DLGAP4: variants seen among roughly 807,000 people sequenced by gnomAD.
DLGAP4 encodes disks large-associated protein 4.
In DLGAP4, 18 loss-of-function variants were observed where a neutral mutation model predicts 86.9. The ratio of observed to expected loss-of-function variants is 0.21; its 90% confidence interval spans 0.14 to 0.31. The LOEUF (loss-of-function observed/expected upper bound fraction) is 0.31. DLGAP4 is among the 10% of genes least tolerant of loss of function. The probability of loss-of-function intolerance (pLI) is 1.00; values close to 1 mark genes in which losing one functional copy is unlikely to be tolerated. For missense variants in DLGAP4, 1,085 were observed against 1,362.6 expected (o/e 0.80, Z 3.21); for synonymous variants, 548 against 574.3 (o/e 0.95, Z 0.65).
intron 10 of DLGAP4, among the ~76,000 whole-genome samples, chr20:36,518,584 TGAC>T (rs2037181910): frequency 1.3e-5 from 2 of 152,316 alleles, no homozygotes; most frequent in East Asian, 3.9e-4. Flanking sequence ...GTGATTTCTT[TGAC>T]GACTGGGTTA....
intron 1 of DLGAP4, among the ~76,000 whole-genome samples, chr20:36,340,260 C>T (rs1255932648): frequency 4.6e-5 from 7 of 152,004 alleles, no homozygotes; most frequent in South Asian, 2.1e-4. Context: ...CTCCGTTTCT[C>T]GGGAACTTCT....
chr20:36,508,068 T>C (rs2036479962), intron 10 of DLGAP4: 1 of 152,186 alleles, frequency 6.6e-6, no homozygotes, highest in African/African-American at 2.4e-5. Context: ...GGAAGTCACG[T>C]AGTAACTCTT....
chr20:36,454,355 G>C (rs1399870000), intron 7 of DLGAP4, among the ~76,000 whole-genome samples: 1 of 151,856 alleles, frequency 6.6e-6, no homozygotes, highest in Non-Finnish European at 1.5e-5. Context: ...TTAGAATAAG[G>C]TCCTTTACTT....
At chr20:36,347,335 T>G (rs1394379988) in intron 1 of DLGAP4, among the ~76,000 whole-genome samples, 1 of 152,034 alleles carries the variant, frequency 6.6e-6, no homozygotes, top group Non-Finnish European at 1.5e-5. Flanking sequence ...AAAGATGGAT[T>G]CTTTAGTGTG....
intron 7 of DLGAP4, chr20:36,461,517 G>A: frequency 1.0e-6 from 1 of 983,398 alleles, no homozygotes; most frequent in Non-Finnish European, 1.2e-6. Context: ...GAGGGTGAGT[G>A]CCCGCCGCTG....
chr20:36,392,851 C>T (rs564681123), intron 2 of DLGAP4, among the ~76,000 whole-genome samples: 1 of 152,182 alleles, frequency 6.6e-6, no homozygotes, highest in Non-Finnish European at 1.5e-5. Context: ...AGATGCTGTG[C>T]TCCTGGGTGA....
At chr20:36,482,893 A>G (rs531528408) in intron 7 of DLGAP4, among the ~76,000 whole-genome samples, 9 of 151,796 alleles carry the variant, frequency 5.9e-5, no homozygotes, top group Non-Finnish European at 1.3e-4. Flanking sequence ...GCTGGTCTCA[A>G]ACTCCTGACC....
chr20:36,435,942 C>T (rs2033262203), intron 3 of DLGAP4, among the ~76,000 whole-genome samples, 167 bp from the exon 4 acceptor site: 1 of 152,222 alleles, frequency 6.6e-6, no homozygotes, highest in Admixed American at 6.5e-5. Context: ...GTATTCCTCC[C>T]AGCCCAGGGC....
intron 1 of DLGAP4, among the ~76,000 whole-genome samples, chr20:36,309,033 G>A (rs771439564): frequency 6.6e-6 from 1 of 151,516 alleles, no homozygotes; most frequent in Non-Finnish European, 1.5e-5. Context: ...CCCCCTGGCG[G>A]GCCTTCAGTT....
At chr20:36,435,891 T>A (rs749859614) in intron 3 of DLGAP4, among the ~76,000 whole-genome samples, 1 of 152,024 alleles carries the variant, frequency 6.6e-6, no homozygotes, top group Non-Finnish European at 1.5e-5. Context: ...CAGCCTGGGA[T>A]CCATGGAGAA....
chr20:36,426,331 A>G (rs1041251203), intron 2 of DLGAP4, among the ~76,000 whole-genome samples: 1 of 152,172 alleles, frequency 6.6e-6, no homozygotes, highest in Non-Finnish European at 1.5e-5. Flanking sequence ...CCTGGCCAAC[A>G]TGGTGAAACC....
chr20:36,501,064 CT>C lies in DLGAP4; in HGVS notation c.2512+471del, dbSNP rs11480703. 5.9e-3 allele frequency among the ~76,000 whole-genome samples: 812 copies of C among 138,062 alleles called. 2 individuals are homozygous for C. Among genetic ancestry groups the C allele is most frequent in the Non-Finnish European group, 6.5e-3 (418 of 64,244 alleles). 90.6% of individuals were successfully genotyped at this position (138,062 alleles called of 152,430 possible). A position where few individuals can be genotyped will look rare whatever the true frequency, so the allele number is the denominator to read the frequency against. On this transcript the variant is annotated intron_variant, in intron 10 of 12. Transcript: ENST00000339266. The stretch of plus-strand genomic sequence containing the variant: ...GGGAGCCTAATTATGCCTTCAACAA[CT>C]TTTTTTTTTTTTTTTTTGAGACGGA...
At chr20:36,394,692 G>C (rs761184265) in intron 2 of DLGAP4, among the ~76,000 whole-genome samples, 1 of 97,386 alleles carries the variant, frequency 1.0e-5, no homozygotes, top group Non-Finnish European at 2.0e-5. Context: ...CACCCTTTCC[G>C]GTCCCTCTCC....
chr20:36,447,003 A>C (rs1190357770), intron 7 of DLGAP4, 66 bp downstream of exon 7: 6 of 1,533,080 alleles, frequency 3.9e-6, no homozygotes, highest in Non-Finnish European at 5.3e-6. Context: ...CCATACCTGG[A>C]GGGCCAGCCT....
intron 5 of DLGAP4, among the ~76,000 whole-genome samples, chr20:36,442,339 C>A (rs1472947517): frequency 6.6e-6 from 1 of 152,200 alleles, no homozygotes; most frequent in Non-Finnish European, 1.5e-5. Flanking sequence ...GGATTATAGG[C>A]ATGTGCCACC....
chr20:36,341,812 T>C (rs1555892530), intron 1 of DLGAP4, among the ~76,000 whole-genome samples: 1 of 152,164 alleles, frequency 6.6e-6, no homozygotes, highest in African/African-American at 2.4e-5. Context: ...GGGCCTGTCG[T>C]CCCAGCTTCC....
intron 2 of DLGAP4, among the ~76,000 whole-genome samples, chr20:36,423,254 G>A (rs1220458504): frequency 6.6e-6 from 1 of 151,920 alleles, no homozygotes; most frequent in Non-Finnish European, 1.5e-5. Context: ...TTGAGCTCAG[G>A]AGTTCGAGAC....
At chr20:36,499,725 C>A (rs1317156879) in intron 9 of DLGAP4, 49 bp downstream of exon 9, 1 of 1,493,512 alleles carries the variant, frequency 6.7e-7, no homozygotes, top group East Asian at 2.3e-5. Context: ...CTCTCCCTCC[C>A]TCCGCTCTCA....
At chr20:36,476,965 T>C (rs1348136948) in intron 7 of DLGAP4, among the ~76,000 whole-genome samples, 1 of 151,966 alleles carries the variant, frequency 6.6e-6, no homozygotes, top group Non-Finnish European at 1.5e-5. Context: ...AGTGCTGGGA[T>C]TACAGGCGTG....
Sources: gnomAD v4.1 joint callset for allele counts (sites outside exome capture counted in the v4.1 genomes callset) on GRCh38, gnomAD v4.1.1 for gene constraint, MANE v1.5 for transcripts, NCBI Gene and HGNC (gene_info 2026-07-23, HGNC 2026-07-21) for gene names.